The following TMEM131L variants were observed in gnomAD, a reference collection of about 807,000 sequenced individuals.
TMEM131L encodes the protein transmembrane 131 like, also known as transmembrane protein 131-like.
TMEM131L carries 54 observed loss-of-function variants against 192.2 expected under a neutral mutation model. The observed-to-expected ratio is 0.28, with a 90% CI of 0.23 to 0.35. The LOEUF (loss-of-function observed/expected upper bound fraction) is 0.35, where lower values mean the gene tolerates loss of function less well. Ranked by LOEUF, TMEM131L falls within the 10% of genes least tolerant of loss-of-function variation. The pLI is 1.00. For missense variants in TMEM131L, 1,888 were observed against 1,972.9 expected, an observed-to-expected ratio of 0.96 and a Z score of 0.82; for synonymous variants, 701 against 704.9, an observed-to-expected ratio of 0.99 and a Z score of 0.09.
intron 29 of TMEM131L, 123 bp from the exon 30 acceptor site, chr4:153,626,024 A>G: frequency 1.7e-6 from 1 of 596,566 alleles, no homozygotes; most frequent in Non-Finnish European, 3.0e-6. Context: ...ATGTGAGAAT[A>G]TCAGTTTAAA....
chr4:153,557,033 A>T lies in TMEM131L; in HGVS notation c.500A>T (p.Glu167Val). Residue 167 changes from glutamate to valine, a missense_variant, in exon 6 of 35, where the codon GAA (glutamate) becomes GTA (valine). By Grantham distance (121) the Glu-to-Val change is moderately radical. Transcript: ENST00000409959. ...TTACCTACTGAAGAAGGAAGCATTG[A>T]AAGTTCCTTATTTATTAATACCTCT... ...IFLPTEEGSI[E>V]SSLFINTSSY... 6.3e-7 allele frequency: 1 copy of T among 1,594,892 alleles called. No homozygotes were observed. The highest frequency in any genetic ancestry group is 2.2e-5 in the East Asian group (1 of 44,704).
chr4:153,598,524 A>T, intron 20 of TMEM131L, 66 bp from the exon 21 acceptor site: 2 of 1,325,344 alleles, frequency 1.5e-6, no homozygotes, highest in African/African-American at 1.5e-5. Flanking sequence ...GAATATTTAA[A>T]TTTAAGTACA....
rs537147758 is a variant in TMEM131L, at chr4:153,531,136, A to G, written c.240-18937A>G. Among the ~76,000 whole-genome samples the G allele has an allele frequency of 3.3e-5, 5 of 152,256 alleles. No individual in the cohort carries two copies. The South Asian group carries it at 1.0e-3, about 32-fold the overall frequency. On this transcript the variant is annotated intron_variant, in intron 3 of 34. Transcript: ENST00000409959. ...GGATCAGTGGTTCCCAAATGCATGT[A>G]CTCAGGTTCCTTCTGCTCCCCTAGT...
In TMEM131L at chr4:153,634,247, T is replaced by C; in HGVS notation, c.4384T>C (p.Leu1462=). 6.2e-7 allele frequency: 1 copy of C among 1,614,096 alleles called. No homozygotes were observed. Residue 1462 remains leucine, a synonymous_variant, in exon 33 of 35, where the codon TTG becomes CTG. Transcript: ENST00000409959. ...CCAGTTTTCCAGCGCATACTGTCCA[T>C]TGGAATTGAACGATTACAATGCCTT... ...EGQFSSAYCP[L]ELNDYNAFPE... is the part of the protein sequence containing the mutation.
At chr4:153,564,791 TG>T (rs1382930560) in intron 7 of TMEM131L, among the ~76,000 whole-genome samples, 13 of 152,230 alleles carry the variant, frequency 8.5e-5, no homozygotes, top group African/African-American at 2.9e-4. Context: ...GTTAATTCCC[TG>T]GCCACTGGAT....
At chr4:153,581,352 C>A in intron 8 of TMEM131L, 55 bp from the exon 9 acceptor site, 1 of 1,430,880 alleles carries the variant, frequency 7.0e-7, no homozygotes, top group South Asian at 1.5e-5. Flanking sequence ...TAGTTTGAAA[C>A]CACAAAGTTG....
intron 26 of TMEM131L, among the ~76,000 whole-genome samples, chr4:153,617,424 A>G (rs566066369): frequency 4.6e-5 from 7 of 152,362 alleles, no homozygotes; most frequent in African/African-American, 1.7e-4. Flanking sequence ...AAAGTTGGTA[A>G]CAATTTGTTC....
rs55730233 is a variant in TMEM131L, at chr4:153,517,851, C to T, written c.240-32222C>T. Among the ~76,000 whole-genome samples, 814 of 152,268 alleles carry T rather than the reference C, an allele frequency of 5.3e-3. 9 individuals carry two copies. The highest frequency in any genetic ancestry group is 0.018 in the African/African-American group (759 of 41,550). On this transcript the variant is annotated intron_variant, in intron 3 of 34. Transcript: ENST00000409959. ...GATAACCCAATGGTGGTAGTAGGCA[C>T]CCAAATAGCCTCTCTCCTAACTCTT... is the stretch of plus-strand genomic sequence containing the variant.
chr4:153,494,290 CT>C (rs1324449722), intron 3 of TMEM131L, among the ~76,000 whole-genome samples: 1 of 152,160 alleles, frequency 6.6e-6, no homozygotes, highest in Non-Finnish European at 1.5e-5. Context: ...AATTTACAAG[CT>C]GTATTTACAA....
At chr4:153,579,641 C>G (rs1048860889) in intron 7 of TMEM131L, among the ~76,000 whole-genome samples, 6 of 152,030 alleles carry the variant, frequency 3.9e-5, no homozygotes, top group African/African-American at 1.4e-4. Context: ...CTGGCTAATT[C>G]TGGTATTTTT....
intron 25 of TMEM131L, among the ~76,000 whole-genome samples, chr4:153,611,103 C>T (rs1732578732): frequency 6.6e-6 from 1 of 152,184 alleles, no homozygotes. Context: ...GAAAAGGTTC[C>T]TCCCAGCACC....
intron 3 of TMEM131L, among the ~76,000 whole-genome samples, chr4:153,518,459 G>C (rs1734886354): frequency 6.6e-6 from 1 of 152,190 alleles, no homozygotes; most frequent in Admixed American, 6.5e-5. Flanking sequence ...CATCATACTT[G>C]AGAAACTGTT....
chr4:153,565,845 T>C (rs1181460224), intron 7 of TMEM131L, among the ~76,000 whole-genome samples: 1 of 152,236 alleles, frequency 6.6e-6, no homozygotes, highest in African/African-American at 2.4e-5. Context: ...TGTAACTAAA[T>C]ATATGGCGAG....
chr4:153,550,447 C>T (rs1200297262), intron 4 of TMEM131L, among the ~76,000 whole-genome samples: 1 of 152,132 alleles, frequency 6.6e-6, no homozygotes, highest in Non-Finnish European at 1.5e-5. Context: ...CTACCTCAGC[C>T]TCCCGAGTAG....
intron 3 of TMEM131L, among the ~76,000 whole-genome samples, chr4:153,519,842 G>A (rs1042236814): frequency 7.2e-5 from 11 of 152,220 alleles, no homozygotes; most frequent in African/African-American, 2.7e-4. Flanking sequence ...TTATGTGCAA[G>A]AAACGGGATT....
At chr4:153,467,071 C>G (rs1445888564) in intron 1 of TMEM131L, 140 bp from the exon 2 acceptor site, 3 of 819,952 alleles carry the variant, frequency 3.7e-6, no homozygotes, top group African/African-American at 1.7e-5. Flanking sequence ...CTTGGCTCGC[C>G]CCTGGGATGG....
intron 14 of TMEM131L, among the ~76,000 whole-genome samples, chr4:153,586,676 A>G (rs1467157138): frequency 3.3e-5 from 5 of 152,338 alleles, no homozygotes; most frequent in Admixed American, 3.3e-4. Flanking sequence ...AGCAACCAGT[A>G]TGTGTTTGCT....
chr4:153,532,699 C>G (rs1038343003), intron 3 of TMEM131L, among the ~76,000 whole-genome samples: 5 of 151,758 alleles, frequency 3.3e-5, no homozygotes, highest in Non-Finnish European at 7.4e-5. Flanking sequence ...CAGCCTTTTG[C>G]AAAATTATAC....
At position 153,602,617 on chromosome 4, in the gene TMEM131L, C is replaced by T; in HGVS notation, c.2529C>T (p.Arg843=). 6.2e-7 allele frequency: 1 copy of T among 1,614,106 alleles called. No homozygotes were observed. The highest frequency in any genetic ancestry group is 2.2e-5 in the East Asian group (1 of 44,878). ...SLVTAADLEF[R]FTLNVTLPHH... is the part of the protein sequence containing the mutation. The stretch of plus-strand genomic sequence containing the variant: ...TAACCGCAGCGGACCTAGAATTTCG[C>T]TTCACTCTCAATGTGACTCTCCCTC... Residue 843 remains arginine, a synonymous_variant, in exon 23 of 35, where the codon CGC becomes CGT. Coordinates refer to ENST00000409959, the MANE Select transcript of TMEM131L (RefSeq NM_001131007.2).
Sources: gnomAD v4.1 joint callset for allele counts (sites outside exome capture counted in the v4.1 genomes callset) on GRCh38, gnomAD v4.1.1 for gene constraint, MANE v1.5 for transcripts, NCBI Gene and HGNC (gene_info 2026-07-23, HGNC 2026-07-21) for gene names.